The following ALPK1 variants were observed in gnomAD, a reference collection of about 807,000 sequenced individuals.
ALPK1 encodes the protein alpha kinase 1, also known as alpha-protein kinase 1.
Under a neutral mutation model 120.6 loss-of-function variants are expected in ALPK1, and 110 were observed. The ratio of observed to expected loss-of-function variants is 0.91; its 90% CI spans 0.78 to 1.07. The LOEUF (loss-of-function observed/expected upper bound fraction) is 1.07. ALPK1 is among the 50% of genes least tolerant of loss of function. The pLI is 0.00. For missense variants in ALPK1, 1,498 were observed against 1,483.9 expected (o/e 1.01, Z -0.16); for synonymous variants, 582 against 560.3 (o/e 1.04, Z -0.55).
intron 2 of ALPK1, among the ~76,000 whole-genome samples, chr4:112,328,301 C>A (rs942790289): frequency 6.6e-6 from 1 of 152,200 alleles, no homozygotes; most frequent in African/African-American, 2.4e-5. Flanking sequence ...TGGCTCTGTT[C>A]GCACTGGCTG....
At chr4:112,345,164 G>A (rs1243693272) in intron 2 of ALPK1, among the ~76,000 whole-genome samples, 1 of 152,186 alleles carries the variant, frequency 6.6e-6, no homozygotes, top group South Asian at 2.1e-4. Context: ...TTAATAGGGG[G>A]CGTGCTTCTC....
intron 2 of ALPK1, among the ~76,000 whole-genome samples, chr4:112,337,957 A>G (rs930084736): frequency 3.3e-5 from 5 of 152,136 alleles, no homozygotes; most frequent in Non-Finnish European, 7.4e-5. Flanking sequence ...ATTTTGATTA[A>G]TAAACTATTT....
At chr4:112,333,069 A>C (rs1258340172) in intron 2 of ALPK1, among the ~76,000 whole-genome samples, 2 of 152,174 alleles carry the variant, frequency 1.3e-5, no homozygotes, top group Admixed American at 6.5e-5. Flanking sequence ...CTCAAGCCAC[A>C]CTTCTATTTG....
intron 2 of ALPK1, among the ~76,000 whole-genome samples, chr4:112,320,773 G>A (rs10019045): frequency 0.041 from 6,252 of 151,946 alleles, 376 homozygotes; most frequent in African/African-American, 0.13. Context: ...TAGGAGGGTT[G>A]CATACTTCCA....
Position 112,432,407 on chromosome 4 carries a change from A to T in ALPK1, c.2860A>T (p.Ser954Cys), listed in dbSNP as rs1292172265. 1 of 1,614,142 alleles carries T rather than the reference A, an allele frequency of 6.2e-7. No homozygotes were observed. The highest frequency in any genetic ancestry group is 1.1e-5 in the South Asian group (1 of 91,076). The change falls in exon 11 of 16, where the codon AGT (serine) becomes TGT (cysteine). Residue 954 changes from serine to cysteine, a missense_variant. Transcript: ENST00000650871. ...GDSPWSYLNS[S>C]GSSWVSLPGK... ...CAGCCCTTGGTCCTATCTGAATTCCAGTGGGAGTTCTTGGGTTTCATTGCC... is the reference window on the plus strand; with the variant it reads ...CAGCCCTTGGTCCTATCTGAATTCCTGTGGGAGTTCTTGGGTTTCATTGCC...
chr4:112,372,507 C>T (rs1731462007), intron 2 of ALPK1, among the ~76,000 whole-genome samples: 1 of 152,086 alleles, frequency 6.6e-6, no homozygotes. Context: ...CCACGCCTGG[C>T]CTACTTTCTT....
Position 112,304,459 on chromosome 4 carries a change from G to A in ALPK1, c.-153+6990G>A, listed in dbSNP as rs754864865. ...TTGCCATTCTAACTGGTGTGAGATG[G>A]TACCTCATTGTGGTTTTCATTTGCA... On this transcript the variant is annotated intron_variant, in intron 1 of 15. Coordinates refer to ENST00000650871, the MANE Select transcript of ALPK1 (RefSeq NM_025144.4). Among the ~76,000 whole-genome samples, 241 of 152,148 alleles carry A rather than the reference G, an allele frequency of 1.6e-3. 1 individual carries two copies. The highest frequency in any genetic ancestry group is 3.4e-3 in the Admixed American group (52 of 15,296).
intron 4 of ALPK1, among the ~76,000 whole-genome samples, chr4:112,394,513 C>A (rs1732564187): frequency 6.6e-6 from 1 of 152,060 alleles, no homozygotes; most frequent in South Asian, 2.1e-4. Flanking sequence ...AAAATATTAG[C>A]CCCAAGGCCT....
chr4:112,406,768 T>C (rs1733195527), intron 4 of ALPK1, among the ~76,000 whole-genome samples: 2 of 152,212 alleles, frequency 1.3e-5, no homozygotes, highest in Admixed American at 1.3e-4. Flanking sequence ...TCTTGTCTGA[T>C]AGATTATAAG....
intron 2 of ALPK1, among the ~76,000 whole-genome samples, chr4:112,332,463 CT>C (rs2148701579): frequency 6.6e-6 from 1 of 152,296 alleles, no homozygotes; most frequent in African/African-American, 2.4e-5. Flanking sequence ...ACATATATGT[CT>C]TGCCAAGGCA....
Position 112,440,955 on chromosome 4 carries a change from A to T in ALPK1, c.3577A>T (p.Thr1193Ser). The T allele has an allele frequency of 1.2e-6, 2 of 1,613,758 alleles. No individual in the cohort carries two copies. The highest frequency in any genetic ancestry group is 4.5e-5 in the East Asian group (2 of 44,874). ...TAATGGAAAAGGACTCATCTACCTC[A>T]CAGATCCCCAGATTCACTCCGTTGA... ...TGNGKGLIYL[T>S]DPQIHSVDQK... The change falls in exon 15 of 16, where the codon ACA becomes TCA. Residue 1193 changes from threonine (T) to serine (S), a missense_variant. Transcript: ENST00000650871.
intron 4 of ALPK1, among the ~76,000 whole-genome samples, chr4:112,408,151 C>A (rs1733278324): frequency 6.6e-6 from 1 of 151,906 alleles, no homozygotes; most frequent in African/African-American, 2.4e-5. Flanking sequence ...AGAAATCAAG[C>A]ATGCACTTAA....
chr4:112,300,862 A>G (rs1196119955), intron 1 of ALPK1, among the ~76,000 whole-genome samples: 1 of 152,116 alleles, frequency 6.6e-6, no homozygotes, highest in Non-Finnish European at 1.5e-5. Context: ...ATGTCTTTGT[A>G]TATACTCCTA....
At chr4:112,354,508 C>A (rs1419535184) in intron 2 of ALPK1, among the ~76,000 whole-genome samples, 1 of 152,122 alleles carries the variant, frequency 6.6e-6, no homozygotes, top group Non-Finnish European at 1.5e-5. Flanking sequence ...CTCTATCAGC[C>A]AGGGGCTGGA....
chr4:112,337,852 C>T (rs1729687267), intron 2 of ALPK1, among the ~76,000 whole-genome samples: 1 of 152,142 alleles, frequency 6.6e-6, no homozygotes, highest in Admixed American at 6.5e-5. Flanking sequence ...CTTAAGCCTA[C>T]TATACTGTGA....
intron 2 of ALPK1, chr4:112,358,118 G>T: frequency 1.7e-6 from 1 of 597,868 alleles, no homozygotes; most frequent in East Asian, 4.1e-5. Context: ...GGGCCAGGTT[G>T]GGGCTGGGGG....
At chr4:112,335,161 C>T (rs1218871754) in intron 2 of ALPK1, among the ~76,000 whole-genome samples, 1 of 151,018 alleles carries the variant, frequency 6.6e-6, no homozygotes, top group Admixed American at 6.6e-5. Flanking sequence ...GAGGCTGAGG[C>T]AGGAGAATCG....
In ALPK1 at chr4:112,431,645, GA is replaced by G. The variant is rs1381729985; in HGVS notation, c.2100del (p.Val701SerfsTer46). On this transcript the variant is annotated frameshift_variant, in exon 11 of 16. Coordinates refer to ENST00000650871, the MANE Select transcript of ALPK1 (RefSeq NM_025144.4). LOFTEE classifies it high-confidence loss of function. ...LLEGAPEGIQ[E>X]VRNMGPRNTS... Reference sequence around the variant, plus strand: ...AGAAGGAGCTCCAGAAGGTATCCAGGAAGTCAGAAATATGGGACCCAGAAAT... The same window carrying G: ...AGAAGGAGCTCCAGAAGGTATCCAGGAGTCAGAAATATGGGACCCAGAAAT... The G allele has an allele frequency of 1.9e-6, 3 of 1,614,072 alleles. No homozygotes were observed. Among genetic ancestry groups the G allele is most frequent in the Non-Finnish European group, 2.5e-6 (3 of 1,180,034 alleles).
chr4:112,432,357 T>C lies in ALPK1; in HGVS notation c.2810T>C (p.Phe937Ser), dbSNP rs779812537. Residue 937 changes from phenylalanine (F) to serine (S), a missense_variant, in exon 11 of 16, where the codon TTT (phenylalanine) becomes TCT (serine). Phe to Ser is a radical substitution (Grantham distance 155). Transcript: ENST00000650871. ...GTGTGGTGGCTGAAATCACCTGCATTTTCCAGTGGTTCTTCTGAGGGGGAC... is the reference window on the plus strand; with the variant it reads ...GTGTGGTGGCTGAAATCACCTGCATCTTCCAGTGGTTCTTCTGAGGGGGAC... ...SSVWWLKSPAFSSGSSEGDSP... is the reference protein window; with the variant it reads ...SSVWWLKSPASSSGSSEGDSP... 1.9e-6 allele frequency: 3 copies of C among 1,614,046 alleles called. No homozygotes were observed. The East Asian group carries it at 6.7e-5, about 36-fold the overall frequency.
Sources: allele counts gnomAD v4.1 joint callset (sites outside exome capture counted in the v4.1 genomes callset), GRCh38; gene constraint gnomAD v4.1.1; transcripts MANE v1.5; gene names NCBI Gene and HGNC (gene_info 2026-07-23, HGNC 2026-07-21).